PRKCZ: variants seen among roughly 807,000 people sequenced by gnomAD.
PRKCZ encodes the protein protein kinase C zeta.
Under a neutral mutation model 79.5 loss-of-function variants are expected in PRKCZ, and 33 were observed. The observed-to-expected ratio is 0.41, with a 90% CI of 0.31 to 0.55. The LOEUF is 0.55. PRKCZ is among the 20% of genes least tolerant of loss of function. The probability of loss-of-function intolerance (pLI) is 0.19; values close to 1 mark genes in which losing one functional copy is unlikely to be tolerated. For synonymous variants in PRKCZ, 342 were observed against 320.9 expected (o/e 1.07, Z -0.70); for missense variants, 578 against 813.5 (o/e 0.71, Z 3.52).
At chr1:2,112,766 T>C (rs1174974537) in intron 4 of PRKCZ, among the ~76,000 whole-genome samples, 2 of 151,404 alleles carry the variant, frequency 1.3e-5, no homozygotes, top group Admixed American at 1.3e-4. Context: ...CTCGGCTCAC[T>C]GTAACCTCCA....
At position 2,094,056 on chromosome 1, in the gene PRKCZ, A is replaced by ACCCTC. The variant is rs1303050776; in HGVS notation, c.334+34467_334+34471dup. Among the ~76,000 whole-genome samples, 2 of 151,942 alleles carry ACCCTC rather than the reference A, an allele frequency of 1.3e-5. No individual in the cohort carries two copies. Among genetic ancestry groups the ACCCTC allele is most frequent in the Non-Finnish European group, 2.9e-5 (2 of 67,994 alleles). ...AGCACCTGCCAGCCCACTTTGGGTGACCCTCCTGTTTGTCCTGTCCTAGCG... is the reference window on the plus strand; with the variant it reads ...AGCACCTGCCAGCCCACTTTGGGTGACCCTCCCCTCCTGTTTGTCCTGTCCTAGCG... On this transcript the variant is annotated intron_variant, in intron 4 of 17. Coordinates refer to ENST00000378567, the MANE Select transcript of PRKCZ (RefSeq NM_002744.6). The surrounding 1 kb of genome is among the most constrained non-coding windows in gnomAD (Gnocchi z 7.3).
chr1:2,079,868 C>T (rs1283463834), intron 4 of PRKCZ, among the ~76,000 whole-genome samples: 1 of 152,152 alleles, frequency 6.6e-6, no homozygotes, highest in Non-Finnish European at 1.5e-5. Context: ...TGGCGGAAGT[C>T]CCCAGGGGAG....
At chr1:2,085,191 G>C (rs1360162623) in intron 4 of PRKCZ, among the ~76,000 whole-genome samples, 1 of 152,158 alleles carries the variant, frequency 6.6e-6, no homozygotes, top group Non-Finnish European at 1.5e-5. Context: ...TTAAAGGGAA[G>C]ACAAAGACGT....
chr1:2,084,372 T>C (rs910319346), intron 4 of PRKCZ, among the ~76,000 whole-genome samples: 1 of 151,332 alleles, frequency 6.6e-6, no homozygotes, highest in African/African-American at 2.4e-5. Flanking sequence ...AGGCAGGTGC[T>C]GTCCGCTTCG....
intron 4 of PRKCZ, among the ~76,000 whole-genome samples, chr1:2,084,342 C>T (rs1664105716): frequency 6.6e-6 from 1 of 152,212 alleles, no homozygotes. Context: ...CCCCCACGCT[C>T]ATGAGGGCGA....
intron 10 of PRKCZ, among the ~76,000 whole-genome samples, chr1:2,166,738 C>T (rs1332409510): frequency 2.6e-5 from 4 of 152,174 alleles, no homozygotes; most frequent in Admixed American, 6.5e-5. Flanking sequence ...CCTTCAGCCC[C>T]CCACCCCCAC....
rs1557726486 is a variant in PRKCZ, at chr1:2,168,802, A to G, written c.975-716A>G. 2.6e-5 allele frequency: 5 copies of G among 194,610 alleles called. No individual in the cohort carries two copies. Among genetic ancestry groups the G allele is most frequent in the Admixed American group, 1.6e-4 (3 of 18,324 alleles). The allele number at this position is 194,610 out of a possible 1,614,324, so 12.1% of individuals were successfully genotyped here. On this transcript the variant is annotated intron_variant, in intron 10 of 17. Transcript: ENST00000378567. This position sits in a 1 kb window ranked among gnomAD's most constrained non-coding sequence, Gnocchi z 4.7. ...CAGGTGCCAGAGGAGCCGCTGACCTAAAAAAACCCGCCACAGGGTATTTCT... is the reference window on the plus strand; with the variant it reads ...CAGGTGCCAGAGGAGCCGCTGACCTGAAAAAACCCGCCACAGGGTATTTCT...
At chr1:2,086,415 C>T (rs1557525529) in intron 4 of PRKCZ, among the ~76,000 whole-genome samples, 1 of 152,138 alleles carries the variant, frequency 6.6e-6, no homozygotes, top group Non-Finnish European at 1.5e-5. Flanking sequence ...CTGGAATCAT[C>T]GATTTCTGTC....
At chr1:2,183,325 C>CA (rs1687010480) in intron 16 of PRKCZ, among the ~76,000 whole-genome samples, 1 of 151,422 alleles carries the variant, frequency 6.6e-6, no homozygotes, top group Non-Finnish European at 1.5e-5. Context: ...GAATCGGAGT[C>CA]AGAGGTTGCA....
rs1158016825 is a variant in PRKCZ, at chr1:2,149,974, C to A, written c.688-816C>A. On this transcript the variant is annotated intron_variant, in intron 8 of 17. Coordinates refer to ENST00000378567, the MANE Select transcript of PRKCZ (RefSeq NM_002744.6). This position sits in a 1 kb window ranked among gnomAD's most constrained non-coding sequence, Gnocchi z 4.1. ...GAGATGGAGACCATCCTGGCTAACA[C>A]GGTGAAACCCCGTCTCTACTAAAAA... Among the ~76,000 whole-genome samples the A allele has an allele frequency of 6.7e-6, 1 of 149,648 alleles. No homozygotes were observed. Among genetic ancestry groups the A allele is most frequent in the Non-Finnish European group, 1.5e-5 (1 of 67,564 alleles).
chr1:2,133,990 C>T (rs1240765750), intron 4 of PRKCZ: 3 of 152,316 alleles, frequency 2.0e-5, no homozygotes, highest in African/African-American at 7.2e-5. Flanking sequence ...GAGCCCAGGC[C>T]TGGCGCCCAG....
intron 4 of PRKCZ, among the ~76,000 whole-genome samples, chr1:2,112,926 A>G (rs1371705168): frequency 1.3e-5 from 2 of 152,114 alleles, no homozygotes; most frequent in Non-Finnish European, 2.9e-5. Flanking sequence ...TCCTGACCTC[A>G]GGCGATCCGC....
Position 2,184,701 on chromosome 1 carries a change from G to A in PRKCZ, c.1691+3G>A, listed in dbSNP as rs1331091753. The A allele has an allele frequency of 6.2e-7, 1 of 1,611,764 alleles. No individual in the cohort carries two copies. Among genetic ancestry groups the A allele is most frequent in the Non-Finnish European group, 8.5e-7 (1 of 1,178,904 alleles). ...GTGCAGCTGACCCCAGACGATGAGT[G>A]AGTCCCACTGGGTGCGGGTCCCTGG... On this transcript the variant is annotated splice_donor_region_variant and intron_variant, in intron 17 of 17. Transcript: ENST00000378567.
In PRKCZ at chr1:2,128,890, G is replaced by A. The variant is rs1023966156; in HGVS notation, c.335-6372G>A. ...GCGGTGCCAGGCCCACAGCCTCCTC[G>A]CCGGTAGTATCTGGGGGCCAGGGGC... is the stretch of plus-strand genomic sequence containing the variant. On this transcript the variant is annotated intron_variant, in intron 4 of 17. Transcript: ENST00000378567. This position sits in a 1 kb window ranked among gnomAD's most constrained non-coding sequence, Gnocchi z 6.5. Among the ~76,000 whole-genome samples the A allele has an allele frequency of 5.3e-5, 8 of 152,176 alleles. No individual in the cohort carries two copies. Among genetic ancestry groups the A allele is most frequent in the African/African-American group, 1.7e-4 (7 of 41,448 alleles).
intron 4 of PRKCZ, among the ~76,000 whole-genome samples, chr1:2,096,730 G>C (rs1666591984): frequency 6.6e-6 from 1 of 152,158 alleles, no homozygotes; most frequent in Non-Finnish European, 1.5e-5. Flanking sequence ...TGGGTTGCTC[G>C]TTCAACTCAG....
At chr1:2,050,091 G>C (rs999578935), upstream of PRKCZ, 3 of 152,224 alleles carry the variant, frequency 2.0e-5, no homozygotes, top group African/African-American at 7.2e-5. Flanking sequence ...CGGAGGGTCT[G>C]GGCGAAGGCC....
chr1:2,092,625 C>T (rs2459994), intron 4 of PRKCZ, among the ~76,000 whole-genome samples: 34,500 of 152,204 alleles, frequency 0.23, 4,627 homozygotes, highest in East Asian at 0.62. Flanking sequence ...AGCTTGAAGA[C>T]GTTGTACGTG....
In PRKCZ at chr1:2,172,760, G is replaced by A. The variant is rs1360550565; in HGVS notation, c.1285+372G>A. 3.3e-5 allele frequency among the ~76,000 whole-genome samples: 5 copies of A among 152,240 alleles called. No individual in the cohort carries two copies. Among genetic ancestry groups the A allele is most frequent in the Admixed American group, 6.5e-5 (1 of 15,292 alleles). ...GGAGCCCCAGGGGGTGCAGGAGCGT[G>A]TGGACAGGACCCCACAGGCCCTGCG... On this transcript the variant is annotated intron_variant, in intron 13 of 17. Coordinates refer to ENST00000378567, the MANE Select transcript of PRKCZ (RefSeq NM_002744.6). This position sits in a 1 kb window ranked among gnomAD's most constrained non-coding sequence, Gnocchi z 7.8.
Position 2,151,348 on chromosome 1 carries a change from A to G in PRKCZ, c.876+370A>G, listed in dbSNP as rs1679869698. Among the ~76,000 whole-genome samples the G allele has an allele frequency of 2.0e-5, 3 of 152,240 alleles. No individual in the cohort carries two copies. The South Asian group carries it at 6.2e-4, about 32-fold the overall frequency. ...AGAGCACTCACGTGTCTAAGCTTAGAAAAGGTGAAGATGGGTATCGTGGTC... is the reference window on the plus strand; with the variant it reads ...AGAGCACTCACGTGTCTAAGCTTAGGAAAGGTGAAGATGGGTATCGTGGTC... On this transcript the variant is annotated intron_variant, in intron 9 of 17. Transcript: ENST00000378567.
Sources: gnomAD v4.1 joint callset for allele counts (sites outside exome capture counted in the v4.1 genomes callset) on GRCh38, gnomAD v4.1.1 for gene constraint, Gnocchi (gnomAD v3.1) non-coding constraint, MANE v1.5 for transcripts, NCBI Gene and HGNC (gene_info 2026-07-23, HGNC 2026-07-21) for gene names.